The following TCF3 variants were observed in gnomAD, a reference collection of about 807,000 sequenced individuals.
TCF3 encodes the protein transcription factor E2-alpha.
TCF3 carries 54 observed loss-of-function variants against 72.3 expected under a neutral mutation model. The observed-to-expected ratio is 0.75, with a 90% confidence interval of 0.60 to 0.94. The LOEUF is 0.94. Ranked by LOEUF, TCF3 falls within the 40% of genes least tolerant of loss-of-function variation. TCF3 has a pLI of 0.00. For missense variants in TCF3, 1,078 were observed against 934.4 expected, an observed-to-expected ratio of 1.15 and a Z score of -2.00; for synonymous variants, 525 against 412.6, an observed-to-expected ratio of 1.27 and a Z score of -3.30.
At chr19:1,651,851 T>G (rs2067142963) in intron 1 of TCF3, among the ~76,000 whole-genome samples, 1 of 145,238 alleles carries the variant, frequency 6.9e-6, no homozygotes. Context: ...CGCGGCACCT[T>G]CCCCGCGCAG....
At chr19:1,631,940 T>C (rs1398395378) in intron 5 of TCF3, 98 bp downstream of exon 5, 1 of 1,549,448 alleles carries the variant, frequency 6.5e-7, no homozygotes, top group South Asian at 1.2e-5. Flanking sequence ...GGGTGAACGC[T>C]GGGGACTTGC....
At chr19:1,625,098 C>T (rs1377095652) in intron 7 of TCF3, among the ~76,000 whole-genome samples, 2 of 152,246 alleles carry the variant, frequency 1.3e-5, no homozygotes, top group African/African-American at 2.4e-5. Flanking sequence ...CCTCCTGTCT[C>T]GGCCTCCAGA....
intron 3 of TCF3, among the ~76,000 whole-genome samples, chr19:1,632,976 G>A (rs764918763): frequency 5.9e-5 from 9 of 152,224 alleles, no homozygotes; most frequent in South Asian, 2.1e-4. Context: ...CTGGCAGCCC[G>A]TGAGGGTGGA....
intron 3 of TCF3, among the ~76,000 whole-genome samples, chr19:1,642,272 A>G (rs1191326812): frequency 1.3e-5 from 2 of 151,402 alleles, no homozygotes; most frequent in Non-Finnish European, 3.0e-5. Flanking sequence ...ACACGCACGC[A>G]CACGCACAGA....
intron 3 of TCF3, among the ~76,000 whole-genome samples, chr19:1,636,404 G>A (rs1462328023): frequency 2.0e-5 from 3 of 152,060 alleles, no homozygotes; most frequent in Admixed American, 6.6e-5. Context: ...CAAGTGATCC[G>A]TCTGCCTCAG....
In TCF3 at chr19:1,632,085, G is replaced by A. The variant is rs768705868; in HGVS notation, c.251C>T (p.Ser84Leu). 6 of 1,613,248 alleles carry A rather than the reference G, an allele frequency of 3.7e-6. No individual in the cohort carries two copies. Among genetic ancestry groups the A allele is most frequent in the Non-Finnish European group, 5.1e-6 (6 of 1,179,832 alleles). ...TGTGGATGAAGAGAGGCTGCTGTGC[G>A]ACTCAGTGAAGTGGGTGCCCTCGCT... The part of the protein sequence containing the change: ...TFSEGTHFTE[S>L]HSSLSSSTFL... Residue 84 changes from serine to leucine, a missense_variant, in exon 5 of 19, where the codon TCG (serine) becomes TTG (leucine). Ser to Leu is a moderately radical substitution (Grantham distance 145). Transcript: ENST00000262965.
In TCF3 at chr19:1,615,851, G is replaced by A. The variant is rs372949767; in HGVS notation, c.1451-30C>T. On this transcript the variant is annotated intron_variant, in intron 16 of 18. Coordinates refer to ENST00000262965, the MANE Select transcript of TCF3 (RefSeq NM_003200.5). This position sits in a 1 kb window ranked among gnomAD's most constrained non-coding sequence, Gnocchi z 7.3. ...AACAGGCCTAGGGTCAGGGGCCTGC[G>A]TCGGCCTCCAGGGCCAACTGACATA... 55 of 1,511,038 alleles carry A rather than the reference G, an allele frequency of 3.6e-5. No individual in the cohort carries two copies. Among genetic ancestry groups the A allele is most frequent in the African/African-American group, 3.3e-4 (24 of 71,970 alleles). 93.6% of individuals were successfully genotyped at this position (1,511,038 alleles called of 1,614,324 possible).
intron 2 of TCF3, among the ~76,000 whole-genome samples, chr19:1,647,811 G>GAGC (rs1443084719): frequency 6.6e-6 from 1 of 152,202 alleles, no homozygotes; most frequent in Non-Finnish European, 1.5e-5. Context: ...CAGGCCTCAT[G>GAGC]AGCAGCCCAG....
chr19:1,619,229 T>C lies in TCF3; in HGVS notation c.1332A>G (p.Gly444=). 6.3e-7 allele frequency: 1 copy of C among 1,594,556 alleles called. No individual in the cohort carries two copies. Among genetic ancestry groups the C allele is most frequent in the Non-Finnish European group, 8.5e-7 (1 of 1,177,140 alleles). ...SLGGRHAGLV[G]GSHPEDGLAG... is the part of the protein sequence containing the mutation. ...CGAGGCCGTCCTCGGGGTGGCTGCCTCCAACCTGCAGGCGTGGGGAGACGG... is the reference window on the plus strand; with the variant it reads ...CGAGGCCGTCCTCGGGGTGGCTGCCCCCAACCTGCAGGCGTGGGGAGACGG... The change falls in exon 16 of 19, where the codon GGA becomes GGG. Residue 444 remains glycine (G), a synonymous_variant. Transcript: ENST00000262965.
At chr19:1,626,334 C>T (rs999214588) in intron 6 of TCF3, among the ~76,000 whole-genome samples, 7 of 152,084 alleles carry the variant, frequency 4.6e-5, no homozygotes, top group Non-Finnish European at 8.8e-5. Context: ...CCTGTAATCC[C>T]AGCTACTCAA....
chr19:1,651,184 A>T (rs2066981884), intron 1 of TCF3: 1 of 230,322 alleles, frequency 4.3e-6, no homozygotes, highest in Non-Finnish European at 8.6e-6. Flanking sequence ...GGTACAGAGA[A>T]AAATTTCCAT....
rs202169014 is a variant in TCF3, at chr19:1,611,157, GA to G, written c.*549del. 4.5e-4 allele frequency: 103 copies of G among 230,034 alleles called. No homozygotes were observed. Among genetic ancestry groups the G allele is most frequent in the Middle Eastern group, 1.3e-3 (1 of 778 alleles). The allele number at this position is 230,034 out of a possible 1,614,324, so 14.2% of individuals were successfully genotyped here. On this transcript the variant is annotated 3_prime_UTR_variant, in exon 19 of 19. Transcript: ENST00000262965. The stretch of plus-strand genomic sequence containing the variant: ...CCTTGCTAATTTTCATCTACATTAA[GA>G]AAAAAAAAATCTTGTAACTAATGTT...
Position 1,614,022 on chromosome 19 carries a change from G to A in TCF3, c.1822+1263C>T, listed in dbSNP as rs968997248. Among the ~76,000 whole-genome samples, 1 of 152,268 alleles carries A rather than the reference G, an allele frequency of 6.6e-6. No individual in the cohort carries two copies. The highest frequency in any genetic ancestry group is 1.5e-5 in the Non-Finnish European group (1 of 68,052). ...CCCGGCCCAGGCCTCTGTGCTGCAT[G>A]GCCCTGCATGGGTGACCTCGCTCTG... On this transcript the variant is annotated intron_variant, in intron 18 of 18. Transcript: ENST00000262965. The surrounding 1 kb of genome is among the most constrained non-coding windows in gnomAD (Gnocchi z 5.6).
At chr19:1,612,121 G>T (rs1390645922) in intron 18 of TCF3, 5 of 1,358,354 alleles carry the variant, frequency 3.7e-6, no homozygotes, top group Non-Finnish European at 4.0e-6. Flanking sequence ...GAGTCCGGGG[G>T]CGGCAAGCAC....
intron 5 of TCF3, among the ~76,000 whole-genome samples, chr19:1,629,486 G>GCCC (rs1158034896): frequency 6.6e-6 from 1 of 152,026 alleles, no homozygotes; most frequent in African/African-American, 2.4e-5. Flanking sequence ...GCCAGGGCGA[G>GCCC]CCCCCAGCAT....
Position 1,622,425 on chromosome 19 carries a change from GGTGGGC to G in TCF3, c.550-16_550-11del. 1 of 1,355,752 alleles carries G rather than the reference GGTGGGC, an allele frequency of 7.4e-7. No individual in the cohort carries two copies. Among genetic ancestry groups the G allele is most frequent in the Non-Finnish European group, 9.8e-7 (1 of 1,015,600 alleles). 84.0% of individuals were successfully genotyped at this position (1,355,752 alleles called of 1,614,324 possible). On this transcript the variant is annotated splice_polypyrimidine_tract_variant and intron_variant, in intron 8 of 18. Transcript: ENST00000262965. ...AGCTGGGTGGGTACACCTGCGGGCG[GGTGGGC>G]GGTGGGGGGTGCAGTCAGGACGGAG...
chr19:1,623,576 G>T (rs564188882), intron 8 of TCF3, among the ~76,000 whole-genome samples: 1 of 151,976 alleles, frequency 6.6e-6, no homozygotes, highest in Non-Finnish European at 1.5e-5. Flanking sequence ...TAGAGATGGG[G>T]TTTCACCATG....
chr19:1,626,511 G>A (rs1222537331), intron 6 of TCF3, among the ~76,000 whole-genome samples: 4 of 151,522 alleles, frequency 2.6e-5, no homozygotes, highest in Non-Finnish European at 4.4e-5. Context: ...GTGGCCCAGC[G>A]CCCAGGACAG....
rs374332208 is a variant in TCF3, at chr19:1,637,003, A to T, written c.146-4598T>A. On this transcript the variant is annotated intron_variant, in intron 3 of 18. Coordinates refer to ENST00000262965, the MANE Select transcript of TCF3 (RefSeq NM_003200.5). ...AGTGGCAGGACGTGCCCTCGGGTAGAGGCACAGTGAGGCTGTGCGGGCAAC... is the reference window on the plus strand; with the variant it reads ...AGTGGCAGGACGTGCCCTCGGGTAGTGGCACAGTGAGGCTGTGCGGGCAAC... Among the ~76,000 whole-genome samples the T allele has an allele frequency of 4.8e-4, 73 of 152,306 alleles. 1 individual carries two copies. The East Asian group carries it at 8.3e-3, about 17-fold the overall frequency.
Sources: gnomAD v4.1 joint callset for allele counts (sites outside exome capture counted in the v4.1 genomes callset) on GRCh38, gnomAD v4.1.1 for gene constraint, Gnocchi (gnomAD v3.1) non-coding constraint, MANE v1.5 for transcripts, NCBI Gene and HGNC (gene_info 2026-07-23, HGNC 2026-07-21) for gene names.